The following BIRC6 variants were observed in gnomAD, a reference collection of about 807,000 sequenced individuals.
BIRC6 encodes the protein baculoviral IAP repeat containing 6.
BIRC6 carries 98 observed loss-of-function variants against 503.3 expected under a neutral mutation model. The ratio of observed to expected loss-of-function variants is 0.19; its 90% CI spans 0.17 to 0.23. BIRC6 has a LOEUF of 0.23. BIRC6 is among the 10% of genes least tolerant of loss of function. The pLI is 1.00. For missense variants in BIRC6, 5,360 were observed against 5,806.0 expected, an observed-to-expected ratio of 0.92 and a Z score of 2.50; for synonymous variants, 2,240 against 2,078.7, an observed-to-expected ratio of 1.08 and a Z score of -2.11.
In BIRC6 at chr2:32,357,202, C is replaced by T; in HGVS notation, c.41C>T (p.Thr14Ile). 6.5e-7 allele frequency: 1 copy of T among 1,540,626 alleles called. No individual in the cohort carries two copies. Among genetic ancestry groups the T allele is most frequent in the South Asian group, 1.2e-5 (1 of 83,148 alleles). The change falls in exon 1 of 74, where the codon ACT (threonine) becomes ATT (isoleucine). Residue 14 changes from threonine to isoleucine, a missense_variant. Around this residue, in one of 16 missense-constraint regions of BIRC6, gnomAD observed 145 missense variants for 106.9 expected, o/e 1.36. Coordinates refer to ENST00000421745, the MANE Select transcript of BIRC6 (RefSeq NM_016252.4). The surrounding 1 kb of genome is among the most constrained non-coding windows in gnomAD (Gnocchi z 4.9). Reference protein sequence around the residue: ...GGGAAPPGTVTEPLPSVIVLS... With the variant: ...GGGAAPPGTVIEPLPSVIVLS... ...GGTGCTGCACCTCCCGGGACTGTCA[C>T]TGAGCCGCTTCCCAGTGTGATTGTG...
intron 42 of BIRC6, among the ~76,000 whole-genome samples, chr2:32,489,376 T>G (rs554485679): frequency 1.2e-4 from 19 of 152,086 alleles, no homozygotes; most frequent in Non-Finnish European, 2.2e-4. Context: ...ATCTGCACTG[T>G]CTCAGCACCA....
chr2:32,462,955 A>C (rs2048165896), intron 23 of BIRC6, among the ~76,000 whole-genome samples: 1 of 135,550 alleles, frequency 7.4e-6, no homozygotes, highest in Non-Finnish European at 1.6e-5. Flanking sequence ...ACCCTGTCTC[A>C]AAAAAAAAAA....
chr2:32,442,543 T>C, intron 19 of BIRC6, 88 bp downstream of exon 19: 1 of 1,319,234 alleles, frequency 7.6e-7, no homozygotes, highest in Non-Finnish European at 1.0e-6. Flanking sequence ...GATTTGATCC[T>C]TGTTTAATGT....
chr2:32,468,733 T>C lies in BIRC6; in HGVS notation c.6077T>C (p.Ile2026Thr). 6.2e-7 allele frequency: 1 copy of C among 1,612,888 alleles called. No individual in the cohort carries two copies. Among genetic ancestry groups the C allele is most frequent in the Non-Finnish European group, 8.5e-7 (1 of 1,179,114 alleles). ...TCTTCCACAGAGCAGTTACGTACTA[T>C]CATCAGATATTTACTGGACACTTTG... is the stretch of plus-strand genomic sequence containing the variant. ...QTSSTEQLRT[I>T]IRYLLDTLLS... The change falls in exon 29 of 74, where the codon ATC becomes ACC. Residue 2026 changes from isoleucine (I) to threonine (T), a missense_variant. Coordinates refer to ENST00000421745, the MANE Select transcript of BIRC6 (RefSeq NM_016252.4).
Position 32,415,739 on chromosome 2 carries a change from G to C in BIRC6, c.2448G>C (p.Glu816Asp), listed in dbSNP as rs760360568. ...AGACTCCTTTAATAATTCAGCCTGA[G>C]CAGAGGAATGTTAGTGGTGGATATT... ...DVQTPLIIQP[E>D]QRNVSGGYLV... Residue 816 changes from glutamate (E) to aspartate (D), a missense_variant, in exon 10 of 74, where the codon GAG becomes GAC. Glu to Asp is a conservative substitution (Grantham distance 45, BLOSUM62 2). Around this residue, in one of 16 missense-constraint regions of BIRC6, gnomAD observed 700 missense variants for 739.3 expected, o/e 0.95. Coordinates refer to ENST00000421745, the MANE Select transcript of BIRC6 (RefSeq NM_016252.4). 5.0e-6 allele frequency: 8 copies of C among 1,613,664 alleles called. No homozygotes were observed. The highest frequency in any genetic ancestry group is 2.7e-5 in the African/African-American group (2 of 74,914).
At chr2:32,548,805 A>G (rs2058238035) in intron 64 of BIRC6, 1 of 152,218 alleles carries the variant, frequency 6.6e-6, no homozygotes, top group Non-Finnish European at 1.5e-5. Flanking sequence ...AGATAAATAA[A>G]TAACTTTTCT....
At chr2:32,597,706 A>T (rs754992022) in intron 68 of BIRC6, 45 bp from the exon 69 acceptor site, 9 of 1,418,780 alleles carry the variant, frequency 6.3e-6, no homozygotes, top group Non-Finnish European at 8.9e-6. Context: ...TGTCATTATA[A>T]CAATTTTTTG....
intron 26 of BIRC6, 85 bp downstream of exon 26, chr2:32,465,249 ATTTT>A (rs11353879): frequency 5.1e-3 from 1,366 of 270,336 alleles, no homozygotes; most frequent in South Asian, 7.1e-3. Context: ...CTTCAGTTCG[ATTTT>A]TTTTTTTTTT....
intron 10 of BIRC6, among the ~76,000 whole-genome samples, chr2:32,428,750 T>G (rs1485856149): frequency 6.6e-6 from 1 of 152,198 alleles, no homozygotes; most frequent in Middle Eastern, 3.2e-3. Flanking sequence ...TTGTTAAGTT[T>G]TGTTATTGTT....
At position 32,561,054 on chromosome 2, in the gene BIRC6, C is replaced by T. The variant is rs1017482335; in HGVS notation, c.13144+11573C>T. Among the ~76,000 whole-genome samples, 50 of 151,280 alleles carry T rather than the reference C, an allele frequency of 3.3e-4. 1 individual carries two copies. Among genetic ancestry groups the T allele is most frequent in the African/African-American group, 9.2e-4 (38 of 41,308 alleles). On this transcript the variant is annotated intron_variant, in intron 65 of 73. Transcript: ENST00000421745. The stretch of plus-strand genomic sequence containing the variant: ...CTCTACTAAAAATACAAAAATTAGC[C>T]GGGCGTGGTGGCACGTGCCTGTAGT...
chr2:32,469,317 G>A (rs2048883045), intron 29 of BIRC6, 78 bp from the exon 30 acceptor site: 6 of 1,028,220 alleles, frequency 5.8e-6, no homozygotes, highest in South Asian at 1.7e-5. Context: ...AAAGAGGAAA[G>A]TGTATTTAGG....
At chr2:32,411,954 T>C (rs2041938204) in intron 9 of BIRC6, among the ~76,000 whole-genome samples, 1 of 152,176 alleles carries the variant, frequency 6.6e-6, no homozygotes, top group Non-Finnish European at 1.5e-5. Context: ...TTTCCTTTTT[T>C]TGTTTTCTGG....
chr2:32,391,877 A>C (rs2039277809), intron 4 of BIRC6, among the ~76,000 whole-genome samples, 162 bp from the exon 5 acceptor site: 1 of 152,234 alleles, frequency 6.6e-6, no homozygotes. Context: ...GAAATTCCCA[A>C]AAATTACCGT....
chr2:32,363,998 T>C (rs2034508133), intron 1 of BIRC6, among the ~76,000 whole-genome samples: 1 of 152,262 alleles, frequency 6.6e-6, no homozygotes, highest in Admixed American at 6.5e-5. Context: ...TGTGTTTGGA[T>C]AAATATCTTT....
chr2:32,369,960 ATATATATATATATATATATATATATG>A (rs1346596729), intron 1 of BIRC6, among the ~76,000 whole-genome samples: 3,641 of 60,986 alleles, frequency 0.06, 215 homozygotes, highest in South Asian at 0.093. Flanking sequence ...ATATATATAT[ATATATATATATATATATATATATATG>A]TATGTATGTA....
Position 32,401,375 on chromosome 2 carries a change from A to T in BIRC6, c.1247A>T (p.Lys416Ile). ...RGKICIWDVSKLMKVHLKFEI... is the reference protein window; with the variant it reads ...RGKICIWDVSILMKVHLKFEI... ...AAGATCTGCATATGGGATGTTTCCAAACTTATGAAGGTATGTTTGAATTTT... is the reference window on the plus strand; with the variant it reads ...AAGATCTGCATATGGGATGTTTCCATACTTATGAAGGTATGTTTGAATTTT... Residue 416 changes from lysine (K) to isoleucine (I), a missense_variant, in exon 7 of 74, where the codon AAA (lysine) becomes ATA (isoleucine). By Grantham distance (102) the Lys-to-Ile change is moderately radical. Coordinates refer to ENST00000421745, the MANE Select transcript of BIRC6 (RefSeq NM_016252.4). 1.2e-6 allele frequency: 2 copies of T among 1,614,036 alleles called. No individual in the cohort carries two copies.
chr2:32,461,083 C>T (rs1344312104), intron 23 of BIRC6, among the ~76,000 whole-genome samples: 95 of 5,034 alleles, frequency 0.019, 1 homozygote, highest in Middle Eastern at 0.083. Context: ...CTCTCCTCTC[C>T]TCTCCTCTCC....
intron 3 of BIRC6, among the ~76,000 whole-genome samples, chr2:32,387,514 C>A (rs1364719757): frequency 6.6e-6 from 1 of 152,122 alleles, no homozygotes; most frequent in East Asian, 1.9e-4. Flanking sequence ...TTTTTGTGGT[C>A]TAACTTCAGT....
chr2:32,490,094 C>T lies in BIRC6; in HGVS notation c.8149C>T (p.Arg2717Trp), dbSNP rs1057164227. Reference protein sequence around the residue: ...VLAWYPNTLLRTWCLVLHSLT... With the variant: ...VLAWYPNTLLWTWCLVLHSLT... ...AGCTTGGTATCCCAATACTTTGCTC[C>T]GGACATGGTGCCTTGTGCTTCATAG... Residue 2717 changes from arginine to tryptophan, a missense_variant, in exon 43 of 74, where the codon CGG becomes TGG. Arg to Trp is a moderately radical substitution (Grantham distance 101). This residue lies in a region of BIRC6 where 2,299 missense variants were observed against 2,267.2 expected (regional missense o/e 1.01). Coordinates refer to ENST00000421745, the MANE Select transcript of BIRC6 (RefSeq NM_016252.4). 1.7e-5 allele frequency: 27 copies of T among 1,613,460 alleles called. No homozygotes were observed. The highest frequency in any genetic ancestry group is 1.5e-4 in the Admixed American group (9 of 60,000).
Sources: gnomAD v4.1 joint callset for allele counts (sites outside exome capture counted in the v4.1 genomes callset) on GRCh38, gnomAD v4.1.1 for gene constraint, gnomAD v4.1.1 regional missense constraint, Gnocchi (gnomAD v3.1) non-coding constraint, MANE v1.5 for transcripts, NCBI Gene and HGNC (gene_info 2026-07-23, HGNC 2026-07-21) for gene names.